The following LZTS2 variants were observed in gnomAD, a reference collection of about 807,000 sequenced individuals.
LZTS2 encodes the protein leucine zipper putative tumor suppressor 2.
Under a neutral mutation model 60.6 loss-of-function variants are expected in LZTS2, and 32 were observed. The observed-to-expected ratio is 0.53, with a 90% CI of 0.40 to 0.71. The LOEUF is 0.71. Ranked by LOEUF, LZTS2 falls within the 30% of genes least tolerant of loss-of-function variation. The pLI is 0.00. For synonymous variants in LZTS2, 360 were observed against 393.1 expected (o/e 0.92, Z 1.00); for missense variants, 792 against 901.9 (o/e 0.88, Z 1.56).
At chr10:101,004,585 A>G (rs1010086895) in intron 2 of LZTS2, among the ~76,000 whole-genome samples, 17 of 152,216 alleles carry the variant, frequency 1.1e-4, no homozygotes, top group African/African-American at 3.9e-4. Flanking sequence ...CCTGGGCGAC[A>G]GAGCAAGACT....
At chr10:101,003,620 G>A (rs145248555) in exon 2 of LZTS2, 18 of 1,602,832 alleles carry the variant, frequency 1.1e-5, no homozygotes, top group Admixed American at 1.7e-5. Flanking sequence ...GGCTGTCTGG[G>A]AGCCAGGGCA....
chr10:101,003,128 C>G (rs1852083120), intron 1 of LZTS2, 182 bp downstream of exon 2: 1 of 755,654 alleles, frequency 1.3e-6, no homozygotes, highest in South Asian at 2.0e-5. Context: ...ACCTGAGCCT[C>G]AGTTTCTAGA....
chr10:101,003,836 C>T (rs1408182847), exon 2 of LZTS2: 2 of 1,613,420 alleles, frequency 1.2e-6, no homozygotes, highest in Non-Finnish European at 8.5e-7. Flanking sequence ...CAGGCGGGCA[C>T]CTGCCTTCCC....
exon 4 of LZTS2, chr10:101,006,915 G>GGCGGCGGGGTGAGGA: frequency 6.5e-7 from 1 of 1,530,394 alleles, no homozygotes; most frequent in Non-Finnish European, 8.8e-7. Context: ...CAGCGGGAGC[G>GGCGGCGGGGTGAGGA]GCGGCGGGGT....
At chr10:101,007,531 C>T (rs972697983) in exon 4 of LZTS2, 1 of 1,331,792 alleles carries the variant, frequency 7.5e-7, no homozygotes, top group Admixed American at 2.2e-5. Flanking sequence ...TCCCCCCGAC[C>T]CCAAAGCCAG....
rs553294585 is a variant in LZTS2, at chr10:101,004,596, CTA to C, written c.1068+432_1068+433del. On this transcript the variant is annotated intron_variant, in intron 2 of 3. Transcript: ENST00000370220. ...CCAGCCTGGGCGACAGAGCAAGACT[CTA>C]TCTCAAAACAAAAAACAAAACTTGT... 1.2e-4 allele frequency among the ~76,000 whole-genome samples: 18 copies of C among 152,286 alleles called. No individual in the cohort carries two copies. In the East Asian group the frequency reaches 3.5e-3, roughly 29 times the overall value.
rs185456094 is a variant in LZTS2 at position 101,002,869 on chromosome 10, C to T, written c.331C>T (p.Arg111Ter). The T allele has an allele frequency of 1.2e-6, 2 of 1,613,802 alleles. No individual in the cohort carries two copies. Among genetic ancestry groups the T allele is most frequent in the African/African-American group, 1.3e-5 (1 of 75,056 alleles). Residue 111 changes from arginine (R) to a stop codon, truncating the protein, a stop_gained, in exon 1 of 4, where the codon CGA becomes TGA. Transcript: ENST00000370220. LOFTEE classifies it high-confidence loss of function. ...CCCAAGCAGTGATGTTGAGGATGCC[C>T]GAGAGCAGCGGGCACACAATGCCCA...
chr10:101,007,029 T>A, exon 4 of LZTS2: 1 of 1,586,224 alleles, frequency 6.3e-7, no homozygotes, highest in Admixed American at 1.8e-5. Context: ...TACATCCAGA[T>A]GTACCGGCGC....
exon 1 of LZTS2, chr10:101,001,933 T>C (rs1405188728): frequency 6.6e-6 from 1 of 151,936 alleles, no homozygotes; most frequent in African/African-American, 2.4e-5. Flanking sequence ...GAGCCGCGGG[T>C]TTCTTATTTA....
chr10:101,007,740 T>G lies in LZTS2; in HGVS notation c.*572T>G, dbSNP rs950889789. On this transcript the variant is annotated 3_prime_UTR_variant, in exon 4 of 4. Transcript: ENST00000370220. ...CAAGCAGCCTCTCCCTTCACCCAGGTTTATGGCCTCGTTTTCACTTGTATA... is the reference window on the plus strand; with the variant it reads ...CAAGCAGCCTCTCCCTTCACCCAGGGTTATGGCCTCGTTTTCACTTGTATA... The G allele has an allele frequency of 1.4e-5, 11 of 762,650 alleles. No individual in the cohort carries two copies. In the African/African-American group the frequency reaches 2.1e-4, roughly 14 times the overall value. The allele number at this position is 762,650 out of a possible 1,614,324, so 47.2% of individuals were successfully genotyped here. A position where few individuals can be genotyped will look rare whatever the true frequency, so the allele number is the denominator to read the frequency against.
rs779691107 is a variant in LZTS2, at chr10:101,005,464, G to A, written c.1075G>A (p.Glu359Lys). 33 of 1,564,528 alleles carry A rather than the reference G, an allele frequency of 2.1e-5. No individual in the cohort carries two copies. In the African/African-American group the frequency reaches 2.2e-4, roughly 10 times the overall value. The stretch of plus-strand genomic sequence containing the variant: ...TCTCTCTTCTCGCCTGCAGGCATAC[G>A]AGGAGCGGCAGCGGCACTGGCAGCG... The change falls in exon 3 of 4, where the codon GAG becomes AAG. Residue 359 changes from glutamate to lysine, a missense_variant. Transcript: ENST00000370220.
rs1346765124 is a variant in LZTS2, at chr10:101,004,396, C to T, written c.1068+230C>T. Among the ~76,000 whole-genome samples the T allele has an allele frequency of 1.3e-4, 20 of 152,230 alleles. No individual in the cohort carries two copies. In the South Asian group the frequency reaches 2.5e-3, roughly 19 times the overall value. On this transcript the variant is annotated intron_variant, in intron 2 of 3. Coordinates refer to ENST00000370220, the Ensembl canonical transcript of LZTS2. ...CCGAGGTGGGCGGATTGCTTGAGCTCGGGAGTTTGAGACCAACCTGGGTAA... is the reference window on the plus strand; with the variant it reads ...CCGAGGTGGGCGGATTGCTTGAGCTTGGGAGTTTGAGACCAACCTGGGTAA...
At chr10:101,001,285 CT>C (rs1247585999) in exon 1 of LZTS2, 1 of 152,282 alleles carries the variant, frequency 6.6e-6, no homozygotes, top group Non-Finnish European at 1.5e-5. Flanking sequence ...CTAATGACCC[CT>C]GATCCACATA....
At chr10:100,997,968 G>A (rs1851949491), upstream of LZTS2, among the ~76,000 whole-genome samples, 1 of 152,200 alleles carries the variant, frequency 6.6e-6, no homozygotes, top group Non-Finnish European at 1.5e-5. Context: ...ATCCCTGAAG[G>A]TTTCGGAGAC....
At chr10:101,004,463 T>C (rs1485509909) in intron 2 of LZTS2, among the ~76,000 whole-genome samples, 2 of 151,984 alleles carry the variant, frequency 1.3e-5, no homozygotes, top group Non-Finnish European at 2.9e-5. Flanking sequence ...ATTAGCTAAG[T>C]GTGGTGGCAT....
exon 1 of LZTS2, chr10:101,002,404 TG>T: frequency 1.3e-6 from 1 of 766,522 alleles, no homozygotes; most frequent in Non-Finnish European, 2.0e-6. Context: ...GATCAGGGCT[TG>T]TTACTGATGT....
At chr10:101,004,918 G>A (rs1251804515) in intron 2 of LZTS2, among the ~76,000 whole-genome samples, 2 of 152,078 alleles carry the variant, frequency 1.3e-5, no homozygotes, top group African/African-American at 2.4e-5. Flanking sequence ...AGCTGGTCGC[G>A]AACCCCTGGC....
chr10:101,002,216 C>T (rs1207028099), exon 1 of LZTS2: 5 of 242,084 alleles, frequency 2.1e-5, no homozygotes, highest in Non-Finnish European at 1.6e-5. Context: ...TGGGCTTGGG[C>T]CTGGGTCTTT....
At position 101,006,477 on chromosome 10, in the gene LZTS2, A is replaced by T. The variant is rs1166934909; in HGVS notation, c.1327-8A>T. ...TCACCATCCTTCCCCACTTCCTCCCACCCCCAGGTGTGCCAGAAATCAGGC... is the reference window on the plus strand; with the variant it reads ...TCACCATCCTTCCCCACTTCCTCCCTCCCCCAGGTGTGCCAGAAATCAGGC... On this transcript the variant is annotated splice_polypyrimidine_tract_variant and splice_region_variant and intron_variant, in intron 3 of 3. Coordinates refer to ENST00000370220, the Ensembl canonical transcript of LZTS2. The T allele has an allele frequency of 1.2e-6, 2 of 1,603,328 alleles. No homozygotes were observed. The highest frequency in any genetic ancestry group is 1.7e-6 in the Non-Finnish European group (2 of 1,175,202).
Sources: allele counts gnomAD v4.1 joint callset (sites outside exome capture counted in the v4.1 genomes callset), GRCh38; gene constraint gnomAD v4.1.1; transcripts MANE v1.5; gene names NCBI Gene and HGNC (gene_info 2026-07-23, HGNC 2026-07-21).